GLG1: variants seen among roughly 807,000 people sequenced by gnomAD.
The protein encoded by GLG1 is Golgi apparatus protein 1.
Under a neutral mutation model 160.5 loss-of-function variants are expected in GLG1, and 38 were observed. The observed-to-expected ratio is 0.24, with a 90% CI of 0.18 to 0.31. The LOEUF is 0.31. Among genes scored for constraint, GLG1 ranks in the 10% least tolerant of loss-of-function variants. GLG1 has a pLI of 1.00. For missense variants in GLG1, 1,373 were observed against 1,505.2 expected (o/e 0.91, Z 1.45); for synonymous variants, 644 against 543.4 (o/e 1.19, Z -2.57).
chr16:74,452,493 T>G lies in GLG1; in HGVS notation c.*674A>C. 1 of 1,040,972 alleles carries G rather than the reference T, an allele frequency of 9.6e-7. No individual in the cohort carries two copies. Among genetic ancestry groups the G allele is most frequent in the Non-Finnish European group, 1.2e-6 (1 of 862,096 alleles). 64.5% of individuals were successfully genotyped at this position (1,040,972 alleles called of 1,614,324 possible). A position where few individuals can be genotyped will look rare whatever the true frequency, so the allele number is the denominator to read the frequency against. ...AGGAGACCACAGAAATACCCATGGCTGTGGGGCTGTGACCAGCAGTGGCTG... is the reference window on the plus strand; with the variant it reads ...AGGAGACCACAGAAATACCCATGGCGGTGGGGCTGTGACCAGCAGTGGCTG... On this transcript the variant is annotated 3_prime_UTR_variant, in exon 26 of 26. Coordinates refer to ENST00000422840, the MANE Select transcript of GLG1 (RefSeq NM_001145667.2).
intron 1 of GLG1, among the ~76,000 whole-genome samples, chr16:74,602,402 T>TGC (rs1205944964): frequency 1.3e-5 from 2 of 152,184 alleles, no homozygotes; most frequent in Admixed American, 6.6e-5. Context: ...TAAAAAGTAT[T>TGC]TATCACAGAC....
At chr16:74,485,133 G>A (rs923654712) in intron 9 of GLG1, among the ~76,000 whole-genome samples, 3 of 152,130 alleles carry the variant, frequency 2.0e-5, no homozygotes, top group African/African-American at 4.8e-5. Flanking sequence ...TTTCAAACTC[G>A]TAGCTTCAAG....
chr16:74,525,184 T>C (rs1200779722), intron 2 of GLG1, among the ~76,000 whole-genome samples: 2 of 152,216 alleles, frequency 1.3e-5, no homozygotes, highest in African/African-American at 4.8e-5. Context: ...TCATGGGTCA[T>C]ATAGTAACTC....
Position 74,477,429 on chromosome 16 carries a change from TC to T in GLG1, c.1931del (p.Gly644GlufsTer31). 6.2e-7 allele frequency: 1 copy of T among 1,612,904 alleles called. No homozygotes were observed. The highest frequency in any genetic ancestry group is 8.5e-7 in the Non-Finnish European group (1 of 1,178,876). On this transcript the variant is annotated frameshift_variant, in exon 12 of 26. Coordinates refer to ENST00000422840, the MANE Select transcript of GLG1 (RefSeq NM_001145667.2). LOFTEE classifies it high-confidence loss of function. ...TCTCTGTTTTCTCACTGCACCATTT[TC>T]CCAGATCAATCAGGCACTTATCCTG... ...ALQDKCLIDL[G>X]KWCSEKTETG...
chr16:74,545,175 C>T (rs1248480883), intron 1 of GLG1, among the ~76,000 whole-genome samples: 1 of 152,088 alleles, frequency 6.6e-6, no homozygotes, highest in Non-Finnish European at 1.5e-5. Flanking sequence ...TTAAATCACT[C>T]CACCAAGTAT....
At chr16:74,529,074 C>A (rs2017442974) in intron 2 of GLG1, among the ~76,000 whole-genome samples, 1 of 150,836 alleles carries the variant, frequency 6.6e-6, no homozygotes, top group Admixed American at 6.6e-5. Flanking sequence ...TCAAGCAATT[C>A]TCCCGCCTCA....
At chr16:74,506,581 C>CAAAAAAAAAA (rs56175030) in intron 3 of GLG1, among the ~76,000 whole-genome samples, 805 of 39,008 alleles carry the variant, frequency 0.021, 239 homozygotes, top group East Asian at 0.027. Flanking sequence ...GACTCCGTCT[C>CAAAAAAAAAA]AAAAAAAAAA....
chr16:74,542,491 A>G (rs1332207736), intron 1 of GLG1, among the ~76,000 whole-genome samples: 2 of 151,968 alleles, frequency 1.3e-5, no homozygotes, highest in Admixed American at 6.6e-5. Context: ...CAACGTGGTG[A>G]AACCCCATCT....
intron 10 of GLG1, among the ~76,000 whole-genome samples, chr16:74,481,036 GA>G (rs1343003074): frequency 6.6e-6 from 1 of 152,176 alleles, no homozygotes; most frequent in Non-Finnish European, 1.5e-5. Context: ...GGTGAAAACA[GA>G]AAACTAGAGT....
intron 8 of GLG1, among the ~76,000 whole-genome samples, chr16:74,488,333 G>C (rs1276850561): frequency 6.6e-6 from 1 of 152,106 alleles, no homozygotes; most frequent in Non-Finnish European, 1.5e-5. Context: ...CTTGAGCCCA[G>C]TAGTTTGAGA....
At chr16:74,464,181 G>C (rs2014915068) in intron 19 of GLG1, among the ~76,000 whole-genome samples, 1 of 152,128 alleles carries the variant, frequency 6.6e-6, no homozygotes, top group Non-Finnish European at 1.5e-5. Flanking sequence ...TCCCTATCTA[G>C]AGGGTGATGT....
intron 2 of GLG1, among the ~76,000 whole-genome samples, chr16:74,514,153 T>G (rs1164695768): frequency 6.6e-6 from 1 of 152,052 alleles, no homozygotes; most frequent in Admixed American, 6.6e-5. Context: ...AAAGACCAAA[T>G]CTGCATTTGA....
At chr16:74,537,729 C>G (rs1366448298) in intron 1 of GLG1, among the ~76,000 whole-genome samples, 2 of 145,324 alleles carry the variant, frequency 1.4e-5, no homozygotes, top group African/African-American at 5.1e-5. Context: ...AATGTACTTA[C>G]TGAATTTCAA....
Position 74,462,105 on chromosome 16 carries a change from A to G in GLG1, c.3025T>C (p.Cys1009Arg). Residue 1009 changes from cysteine to arginine, a missense_variant, in exon 22 of 26, where the codon TGC becomes CGC. Around this residue, in one of 4 missense-constraint regions of GLG1, gnomAD observed 491 missense variants for 632.1 expected, o/e 0.78. Transcript: ENST00000422840. ...CACGCAAATCCCACCTCGTCTGAGC[A>G]GTGCAGCTGGAGCTGAGGATCCAGG... The part of the protein sequence containing the change: ...YRLDPQLQLH[C>R]SDEISSLCAE... 6.3e-7 allele frequency: 1 copy of G among 1,577,600 alleles called. No homozygotes were observed. Among genetic ancestry groups the G allele is most frequent in the Non-Finnish European group, 8.7e-7 (1 of 1,147,032 alleles).
chr16:74,557,613 T>G (rs1291266680), intron 1 of GLG1, among the ~76,000 whole-genome samples: 20 of 152,182 alleles, frequency 1.3e-4, no homozygotes, highest in Non-Finnish European at 2.9e-5. Context: ...CAGGAGCTCT[T>G]GAGACTGAGC....
At chr16:74,559,488 G>A (rs971637389) in intron 1 of GLG1, among the ~76,000 whole-genome samples, 1 of 151,674 alleles carries the variant, frequency 6.6e-6, no homozygotes, top group South Asian at 2.1e-4. Context: ...GCGATGGGGG[G>A]GCAGGGGACA....
rs1295953103 is a variant in GLG1 at position 74,551,171 on chromosome 16, G to T, written c.439-19018C>A. Among the ~76,000 whole-genome samples, 3 of 152,224 alleles carry T rather than the reference G, an allele frequency of 2.0e-5. No individual in the cohort carries two copies. In the South Asian group the frequency reaches 6.2e-4, roughly 32 times the overall value. ...CCTTGTCTCAGTGCTAGCCTTTCCCGTAAGTCTGCTTCTTTTTCCTAAATT... is the reference window on the plus strand; with the variant it reads ...CCTTGTCTCAGTGCTAGCCTTTCCCTTAAGTCTGCTTCTTTTTCCTAAATT... On this transcript the variant is annotated intron_variant, in intron 1 of 25. Coordinates refer to ENST00000422840, the MANE Select transcript of GLG1 (RefSeq NM_001145667.2).
intron 4 of GLG1, 37 bp from the exon 5 acceptor site, chr16:74,496,681 A>C: frequency 7.6e-7 from 1 of 1,315,788 alleles, no homozygotes; most frequent in East Asian, 2.3e-5. Context: ...TAAAACTTTT[A>C]TCACATGGGT....
intron 24 of GLG1, 77 bp downstream of exon 24, chr16:74,457,791 TAGCTGC>T: frequency 7.6e-7 from 1 of 1,317,554 alleles, no homozygotes. Context: ...CAGACCACAG[TAGCTGC>T]AACTGATGTC....
Sources: allele counts gnomAD v4.1 joint callset (sites outside exome capture counted in the v4.1 genomes callset), GRCh38; gene constraint gnomAD v4.1.1; regional missense constraint gnomAD v4.1.1; transcripts MANE v1.5; gene names NCBI Gene and HGNC (gene_info 2026-07-23, HGNC 2026-07-21).